Variants in LRFN2 observed in about 807,000 individuals in gnomAD.
The protein encoded by LRFN2 is leucine rich repeat and fibronectin type III domain containing 2.
In LRFN2, 18 loss-of-function variants were observed where a neutral mutation model predicts 37.3. The ratio of observed to expected loss-of-function variants is 0.48; its 90% CI spans 0.33 to 0.72. The LOEUF (loss-of-function observed/expected upper bound fraction) is 0.72. Among genes scored for constraint, LRFN2 ranks in the 30% least tolerant of loss-of-function variants. The pLI, the probability that LRFN2 is intolerant of heterozygous loss-of-function variation, is 0.02. For missense variants in LRFN2, 1,006 were observed against 1,060.7 expected (o/e 0.95, Z 0.72); for synonymous variants, 556 against 466.6 (o/e 1.19, Z -2.47).
intron 1 of LRFN2, among the ~76,000 whole-genome samples, chr6:40,543,591 A>T (rs1766596531): frequency 6.6e-6 from 1 of 152,180 alleles, no homozygotes; most frequent in African/African-American, 2.4e-5. Context: ...TAAGCTTGAC[A>T]TGGTGCTTTT....
At chr6:40,433,896 T>A (rs1354756253) in intron 1 of LRFN2, among the ~76,000 whole-genome samples, 1 of 152,160 alleles carries the variant, frequency 6.6e-6, no homozygotes, top group Non-Finnish European at 1.5e-5. Context: ...TCTTTTGGGC[T>A]TTAGGAATCC....
chr6:40,577,327 C>A (rs1008472992), intron 1 of LRFN2, among the ~76,000 whole-genome samples: 3 of 152,148 alleles, frequency 2.0e-5, no homozygotes, highest in Non-Finnish European at 4.4e-5. Context: ...GTCTCGAACT[C>A]CTGAGCTCAG....
intron 1 of LRFN2, among the ~76,000 whole-genome samples, chr6:40,529,186 G>C (rs1334485780): frequency 3.9e-5 from 6 of 152,144 alleles, no homozygotes; most frequent in African/African-American, 1.2e-4. Flanking sequence ...GAGAGAGCAG[G>C]GCAGCTCTGA....
intron 1 of LRFN2, among the ~76,000 whole-genome samples, chr6:40,561,342 T>C (rs1231858619): frequency 6.6e-6 from 1 of 152,166 alleles, no homozygotes; most frequent in Non-Finnish European, 1.5e-5. Flanking sequence ...CCTTTTGCAG[T>C]GACCCTTATT....
chr6:40,562,831 T>TCTCACACACA (rs1554144906), intron 1 of LRFN2, among the ~76,000 whole-genome samples: 2 of 144,048 alleles, frequency 1.4e-5, no homozygotes, highest in African/African-American at 5.3e-5. Flanking sequence ...GTGCGTGCAC[T>TCTCACACACA]CACTCACACA....
intron 1 of LRFN2, among the ~76,000 whole-genome samples, chr6:40,522,016 A>G (rs1413314448): frequency 1.3e-5 from 2 of 152,202 alleles, no homozygotes; most frequent in East Asian, 3.9e-4. Context: ...ACCAGAAGGA[A>G]GACAGGGAGT....
At chr6:40,481,439 CAA>C (rs11384253) in intron 1 of LRFN2, among the ~76,000 whole-genome samples, 7,954 of 119,228 alleles carry the variant, frequency 0.067, 323 homozygotes, top group African/African-American at 0.15. Flanking sequence ...AAGATTGTCT[CAA>C]AAAAAAAAAA....
intron 1 of LRFN2, among the ~76,000 whole-genome samples, chr6:40,568,418 G>C (rs78028784): frequency 6.6e-6 from 1 of 152,202 alleles, no homozygotes; most frequent in African/African-American, 2.4e-5. Flanking sequence ...ACTCTTAGAC[G>C]GTTCTCAGGT....
chr6:40,579,401 T>C (rs933359608), intron 1 of LRFN2, among the ~76,000 whole-genome samples: 7 of 152,124 alleles, frequency 4.6e-5, no homozygotes, highest in African/African-American at 1.7e-4. Flanking sequence ...ATCCTATCAG[T>C]TTCTATTTGG....
chr6:40,500,962 T>G (rs1173947957), intron 1 of LRFN2, among the ~76,000 whole-genome samples: 2 of 151,566 alleles, frequency 1.3e-5, no homozygotes, highest in Non-Finnish European at 2.9e-5. Context: ...TTTTTTTTTT[T>G]TTTGCATTGA....
intron 1 of LRFN2, among the ~76,000 whole-genome samples, chr6:40,495,882 G>A (rs1765213704): frequency 6.6e-6 from 1 of 152,020 alleles, no homozygotes; most frequent in African/African-American, 2.4e-5. Context: ...CTCCAGCCCA[G>A]CCCTTTCCTC....
Position 40,553,941 on chromosome 6 carries a change from CT to C in LRFN2, c.-19+32999del, listed in dbSNP as rs1291124074. ...ACTGATGTCCTTCCAGCCATGAATA[CT>C]GTTACTCAAGGACCCAGAGAGGCCG... On this transcript the variant is annotated intron_variant, in intron 1 of 2. Coordinates refer to ENST00000338305, the MANE Select transcript of LRFN2 (RefSeq NM_020737.3). Among the ~76,000 whole-genome samples the C allele has an allele frequency of 2.6e-5, 4 of 152,306 alleles. No individual in the cohort carries two copies. The East Asian group carries it at 5.8e-4, about 22-fold the overall frequency.
rs180934612 is a variant in LRFN2 at position 40,444,593 on chromosome 6, G to A, written c.-18-11462C>T. Among the ~76,000 whole-genome samples, 253 of 152,278 alleles carry A rather than the reference G, an allele frequency of 1.7e-3. 1 individual carries two copies. Among genetic ancestry groups the A allele is most frequent in the African/African-American group, 5.7e-3 (236 of 41,550 alleles). ...CTTACAACCGGATACAGCAGGAAGA[G>A]CATGCATAGGAGTTCTATAAGCTGG... On this transcript the variant is annotated intron_variant, in intron 1 of 2. Coordinates refer to ENST00000338305, the MANE Select transcript of LRFN2 (RefSeq NM_020737.3).
rs970629930 is a variant in LRFN2, at chr6:40,554,554, C to T, written c.-19+32387G>A. 5.9e-5 allele frequency among the ~76,000 whole-genome samples: 9 copies of T among 152,190 alleles called. No homozygotes were observed. In the South Asian group the frequency reaches 6.2e-4, roughly 11 times the overall value. ...ATGGGAATTGGTATTCTTTTGCTCG[C>T]TTCCCAAGAGCAATCACGAATGCAA... is the stretch of plus-strand genomic sequence containing the variant. On this transcript the variant is annotated intron_variant, in intron 1 of 2. Transcript: ENST00000338305.
chr6:40,500,880 G>A (rs536929917), intron 1 of LRFN2, among the ~76,000 whole-genome samples: 66 of 148,250 alleles, frequency 4.5e-4, no homozygotes, highest in African/African-American at 1.7e-3. Context: ...AATGCCTACT[G>A]TGTTATCCTT....
At chr6:40,399,559 T>A (rs1762694221) in intron 2 of LRFN2, among the ~76,000 whole-genome samples, 1 of 148,242 alleles carries the variant, frequency 6.7e-6, no homozygotes, top group Non-Finnish European at 1.5e-5. Context: ...TGCTTCAGCC[T>A]CCTGAGTAAC....
At chr6:40,400,567 T>C (rs1321362532) in intron 2 of LRFN2, among the ~76,000 whole-genome samples, 1 of 151,456 alleles carries the variant, frequency 6.6e-6, no homozygotes, top group Non-Finnish European at 1.5e-5. Context: ...ATTACAGGCA[T>C]GCACCACCAT....
chr6:40,549,003 G>A (rs115301743), intron 1 of LRFN2, among the ~76,000 whole-genome samples: 4,047 of 152,232 alleles, frequency 0.027, 89 homozygotes, highest in Admixed American at 0.039. Flanking sequence ...AGTTTCAACC[G>A]GTGAATTGAG....
rs554537344 is a variant in LRFN2 at position 40,432,105 on chromosome 6, C to T, written c.1009G>A (p.Ala337Thr). Residue 337 changes from alanine to threonine, a missense_variant, in exon 2 of 3, where the codon GCT (alanine) becomes ACT (threonine). This residue lies in a region of LRFN2 where 303 missense variants were observed against 299.8 expected (regional missense o/e 1.01). Coordinates refer to ENST00000338305, the MANE Select transcript of LRFN2 (RefSeq NM_020737.3). ...DRLVGNSSRTAVYDNGTLDIF... is the reference protein window; with the variant it reads ...DRLVGNSSRTTVYDNGTLDIF... ...TCCAGGGTGCCATTGTCATAGACAG[C>T]GGTCCTTGAGGAGTTCCCTACCAGG... The T allele has an allele frequency of 6.3e-5, 101 of 1,613,850 alleles. No homozygotes were observed. In the Middle Eastern group the frequency reaches 6.6e-4, roughly 11 times the overall value.
Sources: allele counts gnomAD v4.1 joint callset (sites outside exome capture counted in the v4.1 genomes callset), GRCh38; gene constraint gnomAD v4.1.1; regional missense constraint gnomAD v4.1.1; transcripts MANE v1.5; gene names NCBI Gene and HGNC (gene_info 2026-07-23, HGNC 2026-07-21).